The following KCNMA1 variants were observed in gnomAD, a reference collection of about 807,000 sequenced individuals.
KCNMA1 encodes potassium calcium-activated channel subfamily M alpha 1, also known as Calcium-activated potassium channel subunit alpha-1.
Under a neutral mutation model 140.0 loss-of-function variants are expected in KCNMA1, and 29 were observed. The observed-to-expected ratio is 0.21, with a 90% CI of 0.15 to 0.28. The LOEUF (loss-of-function observed/expected upper bound fraction) is 0.28, where lower values mean the gene tolerates loss of function less well. Ranked by LOEUF, KCNMA1 falls within the 10% of genes least tolerant of loss-of-function variation. The pLI is 1.00. For missense variants in KCNMA1, 880 were observed against 1,602.2 expected (o/e 0.55, Z 7.70); for synonymous variants, 612 against 611.9 (o/e 1.00, Z 0.00).
At chr10:76,899,619 C>T (rs958506845) in intron 25 of KCNMA1, among the ~76,000 whole-genome samples, 7 of 152,078 alleles carry the variant, frequency 4.6e-5, no homozygotes, top group African/African-American at 1.7e-4. Context: ...ATGTGGCCCT[C>T]AAAGGCTGAA....
At chr10:77,280,010 A>C (rs921102826) in intron 2 of KCNMA1, among the ~76,000 whole-genome samples, 3 of 152,210 alleles carry the variant, frequency 2.0e-5, no homozygotes, top group Admixed American at 6.5e-5. Flanking sequence ...CCTCCCTTCG[A>C]ACCCACAGTA....
intron 14 of KCNMA1, among the ~76,000 whole-genome samples, chr10:77,054,803 G>C (rs1346901183): frequency 6.6e-6 from 1 of 152,328 alleles, no homozygotes; most frequent in Middle Eastern, 3.4e-3. Flanking sequence ...ATTGATCTCA[G>C]TGTCATGTTA....
At chr10:77,155,449 C>A (rs910228479) in intron 5 of KCNMA1, among the ~76,000 whole-genome samples, 2 of 151,798 alleles carry the variant, frequency 1.3e-5, no homozygotes, top group African/African-American at 4.8e-5. Context: ...AGAGCTTAAA[C>A]ATCTTGCCGA....
chr10:77,353,425 T>C (rs2093124990), intron 2 of KCNMA1, among the ~76,000 whole-genome samples: 1 of 152,060 alleles, frequency 6.6e-6, no homozygotes, highest in African/African-American at 2.4e-5. Context: ...TCAATCAACA[T>C]AATAATTATT....
At chr10:77,300,838 C>T (rs1443608884) in intron 2 of KCNMA1, among the ~76,000 whole-genome samples, 1 of 152,204 alleles carries the variant, frequency 6.6e-6, no homozygotes, top group African/African-American at 2.4e-5. Context: ...CAAACCTAAA[C>T]TCATAAAATC....
chr10:77,483,733 T>G (rs1603628390), intron 1 of KCNMA1, among the ~76,000 whole-genome samples: 1 of 152,156 alleles, frequency 6.6e-6, no homozygotes, highest in Non-Finnish European at 1.5e-5. Flanking sequence ...AAGAACCTGG[T>G]GAAAAGATGA....
intron 16 of KCNMA1, among the ~76,000 whole-genome samples, chr10:77,021,973 C>A (rs1286537400): frequency 5.9e-5 from 9 of 152,162 alleles, no homozygotes; most frequent in Non-Finnish European, 1.2e-4. Flanking sequence ...TATACACATT[C>A]CAAATCTAGA....
intron 19 of KCNMA1, chr10:76,974,569 C>A (rs1014058039): frequency 1.3e-6 from 2 of 1,543,064 alleles, no homozygotes; most frequent in South Asian, 2.4e-5. Context: ...TAGCTGCAAC[C>A]TTGACTGCCA....
chr10:77,482,977 C>G (rs997177481), intron 1 of KCNMA1, among the ~76,000 whole-genome samples: 1 of 138,562 alleles, frequency 7.2e-6, no homozygotes, highest in African/African-American at 2.8e-5. Flanking sequence ...TCTCTTCTCT[C>G]TCTCTCTCTC....
intron 5 of KCNMA1, among the ~76,000 whole-genome samples, chr10:77,131,347 C>A (rs1413556502): frequency 6.7e-6 from 1 of 150,260 alleles, no homozygotes; most frequent in Non-Finnish European, 1.5e-5. Context: ...GGCTCATGCC[C>A]GTCATCTCAG....
At chr10:77,448,389 G>T (rs781236056) in intron 1 of KCNMA1, among the ~76,000 whole-genome samples, 2 of 152,190 alleles carry the variant, frequency 1.3e-5, no homozygotes, top group Non-Finnish European at 2.9e-5. Context: ...CAGAGAACAG[G>T]CAATCAACCT....
chr10:77,450,988 C>T (rs775749539), intron 1 of KCNMA1, among the ~76,000 whole-genome samples: 1 of 152,174 alleles, frequency 6.6e-6, no homozygotes, highest in Non-Finnish European at 1.5e-5. Flanking sequence ...TTACCTGCTG[C>T]CATGTAAGAT....
At chr10:77,554,563 C>T (rs2063664149) in intron 1 of KCNMA1, among the ~76,000 whole-genome samples, 1 of 130,392 alleles carries the variant, frequency 7.7e-6, no homozygotes, top group African/African-American at 2.9e-5. Context: ...CACCACTGCA[C>T]TCCAGTCTGG....
At chr10:77,059,215 T>C (rs1371908124) in intron 14 of KCNMA1, among the ~76,000 whole-genome samples, 1 of 151,746 alleles carries the variant, frequency 6.6e-6, no homozygotes, top group Non-Finnish European at 1.5e-5. Flanking sequence ...TTTAAAAACT[T>C]TCAGAAAAGA....
rs2092522733 is a variant in KCNMA1, at chr10:77,019,053, A to G, written c.1975T>C (p.Leu659=). 6.3e-7 allele frequency: 1 copy of G among 1,598,358 alleles called. No homozygotes were observed. Among genetic ancestry groups the G allele is most frequent in the African/African-American group, 1.3e-5 (1 of 74,576 alleles). Residue 659 remains leucine (L), a synonymous_variant, in exon 17 of 28, where the codon TTA becomes CTA. Transcript: ENST00000286628. ...GNHLKIQEGT[L]GFFIASDAKE... ...GCATCACTTGCGATGAAAAATCCTA[A>G]AGTACCTTCTTGGATCTTAAGATGG...
chr10:77,462,878 C>T (rs2097904935), intron 1 of KCNMA1, among the ~76,000 whole-genome samples: 1 of 152,176 alleles, frequency 6.6e-6, no homozygotes, highest in Non-Finnish European at 1.5e-5. Context: ...TCACCCCATC[C>T]CAGCTTGGGA....
chr10:77,001,868 A>C (rs781205574), intron 18 of KCNMA1, among the ~76,000 whole-genome samples: 1 of 152,174 alleles, frequency 6.6e-6, no homozygotes, highest in African/African-American at 2.4e-5. Context: ...GGCTGAATAC[A>C]CTCGGGTTCT....
intron 2 of KCNMA1, among the ~76,000 whole-genome samples, chr10:77,270,241 A>C (rs2064631184): frequency 6.6e-6 from 1 of 152,038 alleles, no homozygotes; most frequent in South Asian, 2.1e-4. Flanking sequence ...CTAAATCCAC[A>C]CCATTTTTGA....
chr10:77,065,059 C>T (rs930011563), intron 14 of KCNMA1, among the ~76,000 whole-genome samples: 5 of 152,186 alleles, frequency 3.3e-5, no homozygotes, highest in African/African-American at 9.7e-5. Context: ...CTGGTCCCAC[C>T]CAGCTGTCTG....
Sources: allele counts gnomAD v4.1 joint callset (sites outside exome capture counted in the v4.1 genomes callset), GRCh38; gene constraint gnomAD v4.1.1; transcripts MANE v1.5; gene names NCBI Gene and HGNC (gene_info 2026-07-23, HGNC 2026-07-21).